The following PTPRT variants were observed in gnomAD, a reference collection of about 807,000 sequenced individuals.
PTPRT encodes the protein receptor-type tyrosine-protein phosphatase T.
Under a neutral mutation model 176.8 loss-of-function variants are expected in PTPRT, and 56 were observed. That is an observed-to-expected ratio of 0.32 (90% CI 0.26 to 0.40). The LOEUF (loss-of-function observed/expected upper bound fraction) is 0.40. Ranked by LOEUF, PTPRT falls within the 10% of genes least tolerant of loss-of-function variation. The pLI, the probability that PTPRT is intolerant of heterozygous loss-of-function variation, is 1.00. For missense variants in PTPRT, 1,540 were observed against 1,908.2 expected, an observed-to-expected ratio of 0.81 and a Z score of 3.60; for synonymous variants, 783 against 739.0, an observed-to-expected ratio of 1.06 and a Z score of -0.96.
chr20:42,406,646 A>G (rs1487568532), intron 9 of PTPRT, among the ~76,000 whole-genome samples: 1 of 152,156 alleles, frequency 6.6e-6, no homozygotes, highest in African/African-American at 2.4e-5. Flanking sequence ...TTCATTTTAT[A>G]TATCCAACAT....
intron 23 of PTPRT, among the ~76,000 whole-genome samples, chr20:42,107,912 A>G (rs957790986): frequency 1.3e-5 from 2 of 152,220 alleles, no homozygotes; most frequent in Admixed American, 1.3e-4. Flanking sequence ...CATTGGAAGC[A>G]GAGTCTTCAT....
intron 8 of PTPRT, among the ~76,000 whole-genome samples, chr20:42,457,915 T>A (rs2070951329): frequency 6.6e-6 from 1 of 152,150 alleles, no homozygotes; most frequent in Non-Finnish European, 1.5e-5. Context: ...GTTCTCTGCA[T>A]CATGGACTAG....
intron 9 of PTPRT, among the ~76,000 whole-genome samples, chr20:42,401,133 T>TAATAAATA (rs10608287): frequency 0.1 from 15,023 of 148,256 alleles, 891 homozygotes; most frequent in Admixed American, 0.17. Flanking sequence ...GTCAAAACAG[T>TAATAAATA]AATAAATAAA....
chr20:42,981,490 T>C (rs1281993343), intron 1 of PTPRT, among the ~76,000 whole-genome samples: 1 of 152,204 alleles, frequency 6.6e-6, no homozygotes, highest in African/African-American at 2.4e-5. Flanking sequence ...AAGCAGAGGC[T>C]TGAAGAAGTA....
At chr20:43,024,781 C>T (rs1985845459) in intron 1 of PTPRT, among the ~76,000 whole-genome samples, 1 of 152,202 alleles carries the variant, frequency 6.6e-6, no homozygotes, top group African/African-American at 2.4e-5. Context: ...CCAAGATCAT[C>T]CCCAATGCCA....
chr20:43,046,129 G>A (rs34958853), intron 1 of PTPRT, among the ~76,000 whole-genome samples: 2 of 152,166 alleles, frequency 1.3e-5, no homozygotes, highest in African/African-American at 4.8e-5. Flanking sequence ...ATGCAGCAGA[G>A]AGCCATGAGG....
chr20:42,649,434 T>G (rs1279548008), intron 7 of PTPRT, among the ~76,000 whole-genome samples: 1 of 152,116 alleles, frequency 6.6e-6, no homozygotes, highest in African/African-American at 2.4e-5. Flanking sequence ...CCATATCACA[T>G]GCCTTGATGG....
At chr20:42,148,827 T>C (rs144279817) in intron 17 of PTPRT, among the ~76,000 whole-genome samples, 4 of 152,346 alleles carry the variant, frequency 2.6e-5, no homozygotes, top group Admixed American at 6.5e-5. Context: ...CTGGTTAATA[T>C]GAGCGGCCTG....
chr20:43,042,851 G>A (rs998184549), intron 1 of PTPRT, among the ~76,000 whole-genome samples: 2 of 151,554 alleles, frequency 1.3e-5, no homozygotes, highest in Admixed American at 1.3e-4. Flanking sequence ...TGAGCTTCTG[G>A]CATCTCAGAT....
intron 27 of PTPRT, among the ~76,000 whole-genome samples, chr20:42,089,527 C>G (rs1984386662): frequency 6.6e-6 from 1 of 152,170 alleles, no homozygotes; most frequent in African/African-American, 2.4e-5. Context: ...CTGATAGATT[C>G]TACTACGCCT....
intron 6 of PTPRT, among the ~76,000 whole-genome samples, chr20:42,740,685 G>A (rs2076595714): frequency 6.6e-6 from 1 of 152,212 alleles, no homozygotes; most frequent in Non-Finnish European, 1.5e-5. Flanking sequence ...GCCAGTGGGG[G>A]AAGAACTGGC....
chr20:42,627,859 AGTTT>A (rs1297074830), intron 7 of PTPRT, among the ~76,000 whole-genome samples: 8 of 152,196 alleles, frequency 5.3e-5, no homozygotes, highest in Admixed American at 5.2e-4. Context: ...GAGCCGCTGC[AGTTT>A]GTTTCTAAGG....
intron 1 of PTPRT, among the ~76,000 whole-genome samples, chr20:43,039,517 G>A (rs1986520380): frequency 6.6e-6 from 1 of 151,982 alleles, no homozygotes; most frequent in East Asian, 1.9e-4. Context: ...TATTTTATGA[G>A]AGTGAGGAAG....
intron 11 of PTPRT, among the ~76,000 whole-genome samples, chr20:42,338,084 A>G (rs1452777840): frequency 6.6e-6 from 1 of 152,016 alleles, no homozygotes; most frequent in Non-Finnish European, 1.5e-5. Context: ...AGGTTCCAAG[A>G]AATTATGCAT....
chr20:43,161,237 C>T (rs2014687113), intron 1 of PTPRT, among the ~76,000 whole-genome samples: 1 of 152,152 alleles, frequency 6.6e-6, no homozygotes, highest in African/African-American at 2.4e-5. Context: ...TTTCTGTGTA[C>T]ACTGTTCAGA....
intron 3 of PTPRT, among the ~76,000 whole-genome samples, chr20:42,785,640 C>T (rs2077278201): frequency 6.6e-6 from 1 of 152,160 alleles, no homozygotes; most frequent in Admixed American, 6.5e-5. Context: ...CTCCAAACTG[C>T]TGCTCTCAGC....
intron 13 of PTPRT, among the ~76,000 whole-genome samples, chr20:42,258,554 AT>A (rs1395521081): frequency 6.6e-6 from 1 of 152,004 alleles, no homozygotes; most frequent in Admixed American, 6.6e-5. Flanking sequence ...AATTTAGGTG[AT>A]TTTTTTCTGC....
At chr20:42,736,056 C>T (rs1183804561) in intron 6 of PTPRT, among the ~76,000 whole-genome samples, 2 of 152,290 alleles carry the variant, frequency 1.3e-5, no homozygotes, top group South Asian at 2.1e-4. Flanking sequence ...AACTGAGCTC[C>T]TCCTATACAC....
At chr20:43,005,182 T>C (rs1189248510) in intron 1 of PTPRT, among the ~76,000 whole-genome samples, 1 of 152,120 alleles carries the variant, frequency 6.6e-6, no homozygotes, top group African/African-American at 2.4e-5. Context: ...ATCCCAGCTC[T>C]TCCTCCATTG....
Sources: gnomAD v4.1 joint callset for allele counts (sites outside exome capture counted in the v4.1 genomes callset) on GRCh38, gnomAD v4.1.1 for gene constraint, MANE v1.5 for transcripts, NCBI Gene and HGNC (gene_info 2026-07-23, HGNC 2026-07-21) for gene names.